Variants in DLG2 observed in about 807,000 individuals in gnomAD.
The protein encoded by DLG2 is discs large MAGUK scaffold protein 2.
A neutral mutation model predicts 132.5 loss-of-function variants in DLG2; 45 were observed. The observed-to-expected ratio is 0.34, with a 90% confidence interval of 0.27 to 0.44. The LOEUF (loss-of-function observed/expected upper bound fraction) is 0.44. DLG2 is among the 20% of genes least tolerant of loss of function. The pLI is 1.00. For synonymous variants in DLG2, 424 were observed against 419.6 expected (o/e 1.01, Z -0.13); for missense variants, 1,045 against 1,196.9 (o/e 0.87, Z 1.87).
At chr11:84,650,883 A>ATACATACATATATATATACATATATAC (rs1555136061) in intron 6 of DLG2, among the ~76,000 whole-genome samples, 15 of 139,656 alleles carry the variant, frequency 1.1e-4, no homozygotes, top group African/African-American at 4.2e-4. Context: ...GTATATATAT[A>ATACATACATATATATATACATATATAC]TATATATATA....
intron 7 of DLG2, among the ~76,000 whole-genome samples, chr11:84,329,696 T>G (rs1460101717): frequency 6.6e-6 from 1 of 152,220 alleles, no homozygotes; most frequent in Non-Finnish European, 1.5e-5. Context: ...TTCCATTGAC[T>G]AGTTATCTCA....
At chr11:84,988,319 A>G (rs1566585888) in intron 6 of DLG2, among the ~76,000 whole-genome samples, 1 of 152,332 alleles carries the variant, frequency 6.6e-6, no homozygotes, top group East Asian at 1.9e-4. Flanking sequence ...ACTATGGAGA[A>G]CTAAATGCAG....
intron 7 of DLG2, among the ~76,000 whole-genome samples, chr11:84,266,907 A>G (rs866029785): frequency 5.3e-5 from 8 of 152,364 alleles, no homozygotes; most frequent in Admixed American, 1.3e-4. Context: ...TTAAGAAACC[A>G]TACTTGGCAC....
At chr11:85,023,052 A>C (rs1307745712) in intron 6 of DLG2, among the ~76,000 whole-genome samples, 1 of 152,064 alleles carries the variant, frequency 6.6e-6, no homozygotes, top group African/African-American at 2.4e-5. Context: ...AAAACCAAGA[A>C]GCAGAGCTAA....
At chr11:83,600,602 C>G (rs1045008485) in intron 19 of DLG2, among the ~76,000 whole-genome samples, 6 of 152,146 alleles carry the variant, frequency 3.9e-5, no homozygotes, top group Non-Finnish European at 5.9e-5. Flanking sequence ...CTAGCAATAG[C>G]AAATACACGG....
intron 6 of DLG2, among the ~76,000 whole-genome samples, chr11:84,824,969 G>A (rs1280692572): frequency 2.0e-5 from 3 of 151,870 alleles, no homozygotes; most frequent in Admixed American, 2.0e-4. Context: ...GTGGGCTCTT[G>A]ACATTTGGAA....
intron 18 of DLG2, among the ~76,000 whole-genome samples, chr11:83,734,397 TTCCTTCCTTCC>T (rs2091577283): frequency 1.2e-5 from 1 of 83,272 alleles, no homozygotes; most frequent in Non-Finnish European, 2.8e-5. Context: ...CCTTCCTTCC[TTCCTTCCTTCC>T]CTCCCTCCTT....
chr11:84,788,100 CAAAAAAAAAA>C (rs139086655), intron 6 of DLG2, among the ~76,000 whole-genome samples: 10 of 45,666 alleles, frequency 2.2e-4, no homozygotes, highest in South Asian at 1.3e-3. Context: ...GAATATGTCT[CAAAAAAAAAA>C]AAAAAAAAAA....
chr11:84,510,910 C>T (rs2099255414), intron 7 of DLG2, among the ~76,000 whole-genome samples: 1 of 151,914 alleles, frequency 6.6e-6, no homozygotes, highest in Non-Finnish European at 1.5e-5. Flanking sequence ...GGAAGAAACT[C>T]CCCCATACAG....
At chr11:85,010,631 A>G (rs903192032) in intron 6 of DLG2, among the ~76,000 whole-genome samples, 6 of 152,152 alleles carry the variant, frequency 3.9e-5, no homozygotes, top group Non-Finnish European at 7.4e-5. Flanking sequence ...TTTAGGTTAC[A>G]TGTATGATGA....
intron 3 of DLG2, among the ~76,000 whole-genome samples, chr11:85,318,703 T>C (rs1248447839): frequency 6.6e-6 from 1 of 151,720 alleles, no homozygotes; most frequent in Non-Finnish European, 1.5e-5. Flanking sequence ...AAAAAATAAT[T>C]TCATTACTCA....
intron 6 of DLG2, among the ~76,000 whole-genome samples, chr11:84,966,111 T>C (rs1415583497): frequency 1.3e-5 from 2 of 151,992 alleles, no homozygotes; most frequent in African/African-American, 4.8e-5. Context: ...TACTATCTAG[T>C]AGCAAGAGTA....
rs2093910527 is a variant in DLG2 at position 83,492,498 on chromosome 11, T to C, written c.2194-8270A>G. Among the ~76,000 whole-genome samples the C allele has an allele frequency of 3.3e-5, 5 of 151,984 alleles. No homozygotes were observed. In the South Asian group the frequency reaches 1.0e-3, roughly 31 times the overall value. ...CAGAGTTCCAGACTCATATATCCAA[T>C]TAATTGCCTACTCACTATCTTTACT... On this transcript the variant is annotated intron_variant, in intron 21 of 27. Transcript: ENST00000376104.
intron 6 of DLG2, among the ~76,000 whole-genome samples, chr11:84,760,914 C>T (rs1357239176): frequency 6.6e-6 from 1 of 152,160 alleles, no homozygotes; most frequent in Non-Finnish European, 1.5e-5. Flanking sequence ...CCCCCTCTTC[C>T]TGCTCCCCAT....
At chr11:85,256,570 A>C (rs2076675461) in intron 4 of DLG2, among the ~76,000 whole-genome samples, 1 of 152,174 alleles carries the variant, frequency 6.6e-6, no homozygotes, top group East Asian at 1.9e-4. Context: ...CAGGAGTCGC[A>C]GGCACCCACC....
intron 3 of DLG2, among the ~76,000 whole-genome samples, chr11:85,592,864 GATTGCT>G (rs1216765591): frequency 6.6e-6 from 1 of 151,670 alleles, no homozygotes; most frequent in East Asian, 1.9e-4. Context: ...GAGGTGGGAG[GATTGCT>G]TGACCCCAGA....
chr11:84,452,826 G>A (rs542689034), intron 7 of DLG2, among the ~76,000 whole-genome samples: 1 of 151,472 alleles, frequency 6.6e-6, no homozygotes, highest in Non-Finnish European at 1.5e-5. Flanking sequence ...CTCAGGTTGG[G>A]GCATGAGCTC....
chr11:84,780,144 T>C (rs940191398), intron 6 of DLG2, among the ~76,000 whole-genome samples: 1 of 152,104 alleles, frequency 6.6e-6, no homozygotes, highest in Non-Finnish European at 1.5e-5. Flanking sequence ...TGTTCATTAC[T>C]AGCAAACCCA....
chr11:84,461,939 T>G (rs2099081407), intron 7 of DLG2, among the ~76,000 whole-genome samples: 1 of 150,544 alleles, frequency 6.6e-6, no homozygotes, highest in South Asian at 2.1e-4. Context: ...TGAATGAGTC[T>G]CTGTAGTCCT....
Sources: gnomAD v4.1 joint callset for allele counts (sites outside exome capture counted in the v4.1 genomes callset) on GRCh38, gnomAD v4.1.1 for gene constraint, MANE v1.5 for transcripts, NCBI Gene and HGNC (gene_info 2026-07-23, HGNC 2026-07-21) for gene names.